The following IRAG1 variants were observed in gnomAD, a reference collection of about 807,000 sequenced individuals.
IRAG1 encodes the protein inositol 1,4,5-triphosphate receptor associated 1, also known as IP3R-associated cGMP kinase substrate.
In IRAG1, 62 loss-of-function variants were observed where a neutral mutation model predicts 106.2. That is an observed-to-expected ratio of 0.58 (90% CI 0.48 to 0.72). The LOEUF is 0.72. IRAG1 is among the 30% of genes least tolerant of loss of function. IRAG1 has a pLI of 0.00. For missense variants in IRAG1, 1,064 were observed against 1,140.7 expected, an observed-to-expected ratio of 0.93 and a Z score of 0.97; for synonymous variants, 462 against 443.9, an observed-to-expected ratio of 1.04 and a Z score of -0.51.
intron 10 of IRAG1, among the ~76,000 whole-genome samples, chr11:10,616,507 T>G (rs1412233553): frequency 4.6e-5 from 7 of 151,854 alleles, no homozygotes. Flanking sequence ...GAATTAAAAC[T>G]CATACCAAAG....
At chr11:10,683,328 AT>A (rs1861411765) in intron 1 of IRAG1, among the ~76,000 whole-genome samples, 1 of 152,014 alleles carries the variant, frequency 6.6e-6, no homozygotes. Context: ...ACCTACTATC[AT>A]AAAATGTGTA....
chr11:10,625,832 A>G, intron 9 of IRAG1, 134 bp downstream of exon 9: 1 of 904,382 alleles, frequency 1.1e-6, no homozygotes, highest in Non-Finnish European at 1.5e-6. Flanking sequence ...TCAGAGTGGG[A>G]AAATTTACGC....
intron 1 of IRAG1, among the ~76,000 whole-genome samples, chr11:10,677,551 AG>A (rs1169238803): frequency 6.6e-6 from 1 of 151,036 alleles, no homozygotes; most frequent in Non-Finnish European, 1.5e-5. Flanking sequence ...ACTCTAGGAG[AG>A]GGGTGCCTAA....
chr11:10,597,976 C>T (rs1420622366), intron 15 of IRAG1, among the ~76,000 whole-genome samples: 4 of 152,248 alleles, frequency 2.6e-5, no homozygotes, highest in South Asian at 2.1e-4. Flanking sequence ...TTTGTGAGCA[C>T]GTACTTTCCC....
Position 10,576,416 on chromosome 11 carries a change from G to T in IRAG1, c.2655C>A (p.Pro885=). Reference sequence around the variant, plus strand: ...CTGCCGAGCAAGTGGATCTTCCAAGGGGCCCATCAGCCTGCTCTGCACAAG... The same window carrying T: ...CTGCCGAGCAAGTGGATCTTCCAAGTGGCCCATCAGCCTGCTCTGCACAAG... ...YNSCAEQADG[P]LGRSTCSAAQ... is the part of the protein sequence containing the mutation. Residue 885 remains proline, a synonymous_variant, in exon 21 of 21, where the codon CCC becomes CCA. Coordinates refer to ENST00000423302, the MANE Select transcript of IRAG1 (RefSeq NM_130385.4). The T allele has an allele frequency of 1.2e-6, 2 of 1,613,978 alleles. No individual in the cohort carries two copies. Among genetic ancestry groups the T allele is most frequent in the South Asian group, 2.2e-5 (2 of 91,084 alleles).
chr11:10,668,879 GGT>G (rs1859997945), intron 1 of IRAG1, among the ~76,000 whole-genome samples: 3 of 152,212 alleles, frequency 2.0e-5, no homozygotes, highest in Non-Finnish European at 4.4e-5. Context: ...GGGAAGATGG[GGT>G]AAGTGCCAGC....
chr11:10,639,625 C>T (rs140410418), intron 2 of IRAG1, among the ~76,000 whole-genome samples: 5 of 152,156 alleles, frequency 3.3e-5, no homozygotes, highest in Admixed American at 6.5e-5. Flanking sequence ...ACGATTCTCA[C>T]GCCCCCTCTC....
intron 1 of IRAG1, among the ~76,000 whole-genome samples, chr11:10,664,181 C>T (rs926395040): frequency 2.0e-5 from 3 of 152,148 alleles, no homozygotes; most frequent in Non-Finnish European, 4.4e-5. Context: ...GGAAGTCCTT[C>T]TCACGGCATC....
In IRAG1 at chr11:10,603,865, T is replaced by C. The variant is rs1357901581; in HGVS notation, c.1743+540A>G. ...GTAGTCTGCAAGCCAGAGATGGCCC[T>C]CACCAGAACCCGACCATGCTGGTGC... On this transcript the variant is annotated intron_variant, in intron 13 of 20. Transcript: ENST00000423302. Among the ~76,000 whole-genome samples the C allele has an allele frequency of 5.9e-5, 9 of 152,322 alleles. No individual in the cohort carries two copies. In the East Asian group the frequency reaches 1.7e-3, roughly 29 times the overall value.
chr11:10,666,288 T>C (rs1859779876), intron 1 of IRAG1, among the ~76,000 whole-genome samples: 1 of 152,184 alleles, frequency 6.6e-6, no homozygotes, highest in Non-Finnish European at 1.5e-5. Context: ...GTACGATTAT[T>C]CCCATCTTAC....
At chr11:10,625,707 A>C (rs979998906) in intron 9 of IRAG1, among the ~76,000 whole-genome samples, 5 of 151,964 alleles carry the variant, frequency 3.3e-5, no homozygotes, top group African/African-American at 9.7e-5. Flanking sequence ...TTCCCCTGAG[A>C]TGTGGCTTTG....
Position 10,647,625 on chromosome 11 carries a change from A to G in IRAG1, c.225+4400T>C, listed in dbSNP as rs4442541. On this transcript the variant is annotated intron_variant, in intron 2 of 20. Transcript: ENST00000423302. This position sits in a 1 kb window ranked among gnomAD's most constrained non-coding sequence, Gnocchi z 4.3. ...TGAAAATTGGGCTCTTACAGCTAAC[A>G]TGAGCCTCTTTGTACCCTCAGGTTT... is the stretch of plus-strand genomic sequence containing the variant. Among the ~76,000 whole-genome samples, 118,456 of 152,140 alleles carry G rather than the reference A, an allele frequency of 0.78. 47,350 individuals carry two copies. The highest frequency in any genetic ancestry group is 0.98 in the East Asian group (5,071 of 5,168).
intron 10 of IRAG1, among the ~76,000 whole-genome samples, chr11:10,616,653 G>T (rs1269624800): frequency 6.6e-6 from 1 of 152,002 alleles, no homozygotes; most frequent in Non-Finnish European, 1.5e-5. Flanking sequence ...CCAAAATTCA[G>T]CAAGTCTTAT....
chr11:10,677,599 T>C (rs1397020749), intron 1 of IRAG1, among the ~76,000 whole-genome samples: 1 of 152,258 alleles, frequency 6.6e-6, no homozygotes, highest in Non-Finnish European at 1.5e-5. Flanking sequence ...AGTAAACTTC[T>C]TTTTTAAAAA....
At chr11:10,677,998 T>C (rs1423961826) in intron 1 of IRAG1, among the ~76,000 whole-genome samples, 2 of 143,112 alleles carry the variant, frequency 1.4e-5, no homozygotes, top group African/African-American at 5.0e-5. Context: ...CATCATTATC[T>C]ATCTCTCTAT....
At chr11:10,648,191 C>G (rs942817979) in intron 2 of IRAG1, among the ~76,000 whole-genome samples, 1 of 152,148 alleles carries the variant, frequency 6.6e-6, no homozygotes, top group African/African-American at 2.4e-5. Context: ...CGGCGAAACC[C>G]CATATCTACT....
chr11:10,582,737 C>T (rs1851523530), intron 18 of IRAG1, among the ~76,000 whole-genome samples: 1 of 152,130 alleles, frequency 6.6e-6, no homozygotes, highest in African/African-American at 2.4e-5. Flanking sequence ...GGGCGGATCA[C>T]CTGAGATCAG....
intron 18 of IRAG1, among the ~76,000 whole-genome samples, chr11:10,588,811 C>G (rs79172066): frequency 2.0e-5 from 3 of 152,310 alleles, no homozygotes; most frequent in Admixed American, 2.0e-4. Context: ...AGGCTGCTTC[C>G]CATCTGTCTT....
At chr11:10,636,697 G>A (rs926866727) in intron 2 of IRAG1, among the ~76,000 whole-genome samples, 9 of 152,190 alleles carry the variant, frequency 5.9e-5, no homozygotes, top group Admixed American at 5.2e-4. Flanking sequence ...AACAAGGGAT[G>A]GACCACATTC....
Sources: allele counts gnomAD v4.1 joint callset (sites outside exome capture counted in the v4.1 genomes callset), GRCh38; gene constraint gnomAD v4.1.1; non-coding constraint Gnocchi (gnomAD v3.1); transcripts MANE v1.5; gene names NCBI Gene and HGNC (gene_info 2026-07-23, HGNC 2026-07-21).